The following FRZB variants were observed in gnomAD, a reference collection of about 807,000 sequenced individuals.
FRZB encodes frizzled related protein.
Under a neutral mutation model 32.5 loss-of-function variants are expected in FRZB, and 34 were observed. That is an observed-to-expected ratio of 1.05 (90% CI 0.80 to 1.39). The LOEUF (loss-of-function observed/expected upper bound fraction) is 1.39. FRZB is among the 40% of genes most tolerant of loss of function. FRZB has a pLI of 0.00. For synonymous variants in FRZB, 170 were observed against 159.2 expected (o/e 1.07, Z -0.51); for missense variants, 423 against 424.8 (o/e 1.00, Z 0.04).
rs1380475247 is a variant in FRZB, at chr2:182,861,555, A to T, written c.479-2722T>A. On this transcript the variant is annotated intron_variant, in intron 1 of 5. Transcript: ENST00000295113. The stretch of plus-strand genomic sequence containing the variant: ...ATTACTATTTCTTTTGTTCTTCACA[A>T]TCCCTAATGAATGTCAATGTCAAGC... Among the ~76,000 whole-genome samples the T allele has an allele frequency of 5.3e-5, 8 of 152,190 alleles. No individual in the cohort carries two copies. In the East Asian group the frequency reaches 1.5e-3, roughly 29 times the overall value.
At chr2:182,848,585 G>A (rs797004839) in intron 2 of FRZB, among the ~76,000 whole-genome samples, 45 of 152,190 alleles carry the variant, frequency 3.0e-4, no homozygotes, top group African/African-American at 1.0e-3. Context: ...GAACCCTAGA[G>A]TCCTGGTGTC....
Position 182,838,416 on chromosome 2 carries a change from G to T in FRZB, c.790C>A (p.Arg264Ser). Residue 264 changes from arginine (R) to serine (S), a missense_variant, in exon 4 of 6, where the codon CGT becomes AGT. By Grantham distance (110) the Arg-to-Ser change is moderately radical (BLOSUM62 -1). Transcript: ENST00000295113. ...YIIMGYEDEERSRLLLVEGSI... is the reference protein window; with the variant it reads ...YIIMGYEDEESSRLLLVEGSI... ...CCTTAAAGAGTGAATTACCTGGAAC[G>T]TTCCTCATCTTCATAGCCCATGATG... The T allele has an allele frequency of 6.2e-7, 1 of 1,609,330 alleles. No individual in the cohort carries two copies.
chr2:182,844,784 T>C (rs1695622724), intron 2 of FRZB, among the ~76,000 whole-genome samples: 1 of 152,196 alleles, frequency 6.6e-6, no homozygotes, highest in Non-Finnish European at 1.5e-5. Context: ...AAGCTATGCA[T>C]ACAACTACAT....
Position 182,854,850 on chromosome 2 carries a change from C to T in FRZB, c.526+3936G>A, listed in dbSNP as rs540029867. ...AAGCTTTCTAGCCAAAGGACCAAAACGGGGGAATTCCAAGGAACTGAAAAG... is the reference window on the plus strand; with the variant it reads ...AAGCTTTCTAGCCAAAGGACCAAAATGGGGGAATTCCAAGGAACTGAAAAG... On this transcript the variant is annotated intron_variant, in intron 2 of 5. Transcript: ENST00000295113. 5.3e-5 allele frequency among the ~76,000 whole-genome samples: 8 copies of T among 152,196 alleles called. No individual in the cohort carries two copies. The South Asian group carries it at 6.2e-4, about 12-fold the overall frequency.
intron 1 of FRZB, among the ~76,000 whole-genome samples, chr2:182,865,122 A>G (rs1320406554): frequency 6.6e-6 from 1 of 152,204 alleles, no homozygotes; most frequent in Non-Finnish European, 1.5e-5. Flanking sequence ...ATAAAGTTTT[A>G]TGGTAGGGAA....
intron 2 of FRZB, 99 bp downstream of exon 2, chr2:182,858,687 G>A: frequency 1.3e-6 from 1 of 774,912 alleles, no homozygotes; most frequent in Non-Finnish European, 2.1e-6. Flanking sequence ...CTTGTAAAAT[G>A]TAGGGCACAA....
At chr2:182,858,920 A>C in intron 1 of FRZB, 87 bp from the exon 2 acceptor site, 3 of 1,125,344 alleles carry the variant, frequency 2.7e-6, no homozygotes, top group Non-Finnish European at 4.0e-6. Flanking sequence ...CACAAGTTTG[A>C]TTTGGGTAAG....
intron 1 of FRZB, among the ~76,000 whole-genome samples, chr2:182,865,195 C>T (rs995628420): frequency 6.6e-6 from 1 of 151,846 alleles, no homozygotes; most frequent in Admixed American, 6.6e-5. Flanking sequence ...GTATTAAAGA[C>T]AATTTTTTTT....
chr2:182,834,577 A>T lies in FRZB; in HGVS notation c.*272T>A. ...GCTCTGGTAACAGCATGTTTAATTT[A>T]TTATTATTGCAAAAGAACAGTTTTT... is the stretch of plus-strand genomic sequence containing the variant. On this transcript the variant is annotated 3_prime_UTR_variant, in exon 6 of 6. Coordinates refer to ENST00000295113, the MANE Select transcript of FRZB (RefSeq NM_001463.4). The T allele has an allele frequency of 2.4e-6, 1 of 414,948 alleles. No homozygotes were observed. The highest frequency in any genetic ancestry group is 4.4e-6 in the Non-Finnish European group (1 of 229,370). The allele number at this position is 414,948 out of a possible 1,614,324, so 25.7% of individuals were successfully genotyped here. A position where few individuals can be genotyped will look rare whatever the true frequency, so the allele number is the denominator to read the frequency against.
chr2:182,858,952 T>A, intron 1 of FRZB, 119 bp from the exon 2 acceptor site: 1 of 806,162 alleles, frequency 1.2e-6, no homozygotes, highest in Non-Finnish European at 2.1e-6. Flanking sequence ...CTGAAGGAAG[T>A]AGATTTTTAT....
intron 2 of FRZB, among the ~76,000 whole-genome samples, chr2:182,856,871 T>C (rs1326296633): frequency 6.6e-6 from 1 of 151,632 alleles, no homozygotes; most frequent in Non-Finnish European, 1.5e-5. Flanking sequence ...TTTGGAGACC[T>C]AATCACCCTT....
intron 1 of FRZB, among the ~76,000 whole-genome samples, chr2:182,862,205 A>G (rs1259493288): frequency 6.6e-6 from 1 of 152,310 alleles, no homozygotes; most frequent in South Asian, 2.1e-4. Context: ...ATGCCAAGAG[A>G]GAGAAGGCCT....
In FRZB at chr2:182,834,590, A is replaced by AAG; in HGVS notation, c.*257_*258dup. ...CATGTTTAATTTATTATTATTGCAA[A>AAG]AGAACAGTTTTTCTCATGATTAGTG... On this transcript the variant is annotated 3_prime_UTR_variant, in exon 6 of 6. Coordinates refer to ENST00000295113, the MANE Select transcript of FRZB (RefSeq NM_001463.4). 2.3e-6 allele frequency: 1 copy of AAG among 439,948 alleles called. No individual in the cohort carries two copies. Among genetic ancestry groups the AAG allele is most frequent in the East Asian group, 3.5e-5 (1 of 28,694 alleles). The allele number at this position is 439,948 out of a possible 1,614,324, so 27.3% of individuals were successfully genotyped here. A position where few individuals can be genotyped will look rare whatever the true frequency, so the allele number is the denominator to read the frequency against.
chr2:182,863,098 T>C (rs1220629103), intron 1 of FRZB, among the ~76,000 whole-genome samples: 1 of 152,210 alleles, frequency 6.6e-6, no homozygotes, highest in African/African-American at 2.4e-5. Context: ...GCCCTTGGGA[T>C]GTAGATAGTT....
chr2:182,854,147 G>A (rs1695740096), intron 2 of FRZB, among the ~76,000 whole-genome samples: 2 of 152,196 alleles, frequency 1.3e-5, no homozygotes, highest in Admixed American at 6.5e-5. Context: ...AGAGAAGGGT[G>A]GGGGTAGTGA....
intron 5 of FRZB, among the ~76,000 whole-genome samples, chr2:182,835,730 T>C (rs931442633): frequency 3.9e-5 from 6 of 152,092 alleles, no homozygotes; most frequent in African/African-American, 9.7e-5. Context: ...TTTGTTAAAA[T>C]TGCAAATTCT....
intron 2 of FRZB, 50 bp downstream of exon 2, chr2:182,858,736 A>G (rs1373922260): frequency 2.8e-6 from 4 of 1,418,870 alleles, no homozygotes; most frequent in Middle Eastern, 1.8e-4. Flanking sequence ...AATTACATCA[A>G]TGACTAATCT....
rs1232235785 is a variant in FRZB at position 182,842,493 on chromosome 2, T to C, written c.577A>G (p.Asn193Asp). ...TTTTCCTTACCATAGTTGTAATTGT[T>C]CCGGAAATAGGTCTTCTGTGTAGCT... The part of the protein sequence containing the change: ...IRATQKTYFR[N>D]NYNYVIRAKV... Residue 193 changes from asparagine (N) to aspartate (D), a missense_variant, in exon 3 of 6, where the codon AAC becomes GAC. Asn to Asp is a conservative substitution (Grantham distance 23, BLOSUM62 1). Transcript: ENST00000295113. 6.2e-7 allele frequency: 1 copy of C among 1,612,770 alleles called. No homozygotes were observed. Among genetic ancestry groups the C allele is most frequent in the Non-Finnish European group, 8.5e-7 (1 of 1,178,902 alleles).
intron 2 of FRZB, among the ~76,000 whole-genome samples, chr2:182,846,743 G>A (rs1695644917): frequency 6.6e-6 from 1 of 152,056 alleles, no homozygotes; most frequent in Non-Finnish European, 1.5e-5. Flanking sequence ...TGAAGATCCA[G>A]GTCCTTAACT....
Sources: allele counts gnomAD v4.1 joint callset (sites outside exome capture counted in the v4.1 genomes callset), GRCh38; gene constraint gnomAD v4.1.1; transcripts MANE v1.5; gene names NCBI Gene and HGNC (gene_info 2026-07-23, HGNC 2026-07-21).